The following DOCK3 variants were observed in gnomAD, a reference collection of about 807,000 sequenced individuals.
DOCK3 encodes the protein dedicator of cytokinesis 3.
Under a neutral mutation model 265.6 loss-of-function variants are expected in DOCK3, and 60 were observed. The observed-to-expected ratio is 0.23, with a 90% CI of 0.18 to 0.28. The LOEUF is 0.28. Ranked by LOEUF, DOCK3 falls within the 10% of genes least tolerant of loss-of-function variation. The probability of loss-of-function intolerance (pLI) is 1.00; values close to 1 mark genes in which losing one functional copy is unlikely to be tolerated. For synonymous variants in DOCK3, 881 were observed against 938.0 expected (o/e 0.94, Z 1.11); for missense variants, 1,981 against 2,594.3 (o/e 0.76, Z 5.14).
intron 9 of DOCK3, among the ~76,000 whole-genome samples, chr3:51,122,274 G>GT: frequency 6.6e-6 from 1 of 152,274 alleles, no homozygotes; most frequent in Non-Finnish European, 1.5e-5. Flanking sequence ...GAGGCCGGGA[G>GT]TTTAAGACCA....
At chr3:50,777,443 G>T (rs1387278012) in intron 1 of DOCK3, among the ~76,000 whole-genome samples, 2 of 152,044 alleles carry the variant, frequency 1.3e-5, no homozygotes, top group East Asian at 3.9e-4. Flanking sequence ...TCTAGTTCTT[G>T]GGAAAAATGA....
intron 21 of DOCK3, among the ~76,000 whole-genome samples, chr3:51,239,402 G>C (rs1200275706): frequency 1.3e-5 from 2 of 151,814 alleles, no homozygotes; most frequent in East Asian, 3.9e-4. Context: ...TAGAGACGGG[G>C]TTTCACCATG....
At position 51,341,380 on chromosome 3, in the gene DOCK3, G is replaced by A. The variant is rs1254746971; in HGVS notation, c.3910G>A (p.Gly1304Ser). 8 of 1,613,492 alleles carry A rather than the reference G, an allele frequency of 5.0e-6. No individual in the cohort carries two copies. Among genetic ancestry groups the A allele is most frequent in the Non-Finnish European group, 5.9e-6 (7 of 1,179,738 alleles). The stretch of plus-strand genomic sequence containing the variant: ...GAAGATCATTCACTACTTCAACAAA[G>A]GCAAGGTATGCATCATTAGGCAAGC... ...CRKIIHYFNKGKSWEFGIPLC... is the reference protein window; with the variant it reads ...CRKIIHYFNKSKSWEFGIPLC... Residue 1304 changes from glycine to serine, a missense_variant, in exon 38 of 53, where the codon GGC becomes AGC. Coordinates refer to ENST00000266037, the MANE Select transcript of DOCK3 (RefSeq NM_004947.5).
intron 9 of DOCK3, among the ~76,000 whole-genome samples, chr3:51,105,608 C>T (rs1358014799): frequency 6.6e-6 from 1 of 152,120 alleles, no homozygotes; most frequent in African/African-American, 2.4e-5. Context: ...AGTATTGATA[C>T]AGCAACATGA....
intron 2 of DOCK3, among the ~76,000 whole-genome samples, chr3:50,807,480 G>A (rs1191751559): frequency 6.6e-6 from 1 of 152,046 alleles, no homozygotes; most frequent in Non-Finnish European, 1.5e-5. Context: ...TCCCATTGTG[G>A]CCCACTTCCA....
chr3:51,115,834 A>G (rs567379347), intron 9 of DOCK3, among the ~76,000 whole-genome samples: 1 of 152,060 alleles, frequency 6.6e-6, no homozygotes, highest in Non-Finnish European at 1.5e-5. Context: ...GTCGTAAGGA[A>G]GGGATCCAGT....
At chr3:50,788,175 A>G in intron 2 of DOCK3, 2 of 756,886 alleles carry the variant, frequency 2.6e-6, no homozygotes, top group Non-Finnish European at 2.1e-6. Context: ...TGGCACCATG[A>G]TGAAAGCTGG....
chr3:50,843,804 C>T (rs2675781), intron 3 of DOCK3, among the ~76,000 whole-genome samples: 143,506 of 152,188 alleles, frequency 0.94, 68,283 homozygotes, highest in East Asian at 1. Flanking sequence ...TGTATCTGTA[C>T]TCTTAAACTT....
chr3:51,268,608 T>C (rs1439739023), intron 23 of DOCK3, among the ~76,000 whole-genome samples: 1 of 152,170 alleles, frequency 6.6e-6, no homozygotes, highest in Non-Finnish European at 1.5e-5. Context: ...CTCTGCCTCA[T>C]TTAAGATTAA....
intron 1 of DOCK3, among the ~76,000 whole-genome samples, chr3:50,749,827 C>T (rs1295929405): frequency 6.6e-6 from 1 of 152,180 alleles, no homozygotes; most frequent in African/African-American, 2.4e-5. Context: ...TAGTGTTTAA[C>T]TGACAGTATT....
intron 12 of DOCK3, among the ~76,000 whole-genome samples, chr3:51,178,334 T>C (rs2087085528): frequency 6.6e-6 from 1 of 152,184 alleles, no homozygotes; most frequent in South Asian, 2.1e-4. Flanking sequence ...CTTTCAGGGT[T>C]GGCACAAACA....
intron 38 of DOCK3, among the ~76,000 whole-genome samples, chr3:51,347,669 T>G (rs2085682554): frequency 6.6e-6 from 1 of 152,252 alleles, no homozygotes; most frequent in Non-Finnish European, 1.5e-5. Context: ...TTTCCAATTC[T>G]GTGAAGAAAG....
In DOCK3 at chr3:51,348,537, A is replaced by G. The variant is rs748273623; in HGVS notation, c.3916-315A>G. On this transcript the variant is annotated intron_variant, in intron 38 of 52. Coordinates refer to ENST00000266037, the MANE Select transcript of DOCK3 (RefSeq NM_004947.5). ...GACTAATACAACAAGAAAAGTAAGT[A>G]ATTTTTTTAAATTAAGATAACTTCA... Among the ~76,000 whole-genome samples, 5 of 152,306 alleles carry G rather than the reference A, an allele frequency of 3.3e-5. No homozygotes were observed. In the East Asian group the frequency reaches 9.7e-4, roughly 30 times the overall value.
intron 32 of DOCK3, among the ~76,000 whole-genome samples, chr3:51,329,318 G>C (rs528477553): frequency 6.6e-6 from 1 of 152,180 alleles, no homozygotes; most frequent in Non-Finnish European, 1.5e-5. Context: ...TGGGTTGATA[G>C]GTGCAGCAGA....
At chr3:51,365,027 T>G (rs1335523432) in intron 49 of DOCK3, among the ~76,000 whole-genome samples, 1 of 152,216 alleles carries the variant, frequency 6.6e-6, no homozygotes, top group Non-Finnish European at 1.5e-5. Context: ...AAGAAAGTTA[T>G]TGGTAGCTTG....
At chr3:50,811,533 A>G (rs2043756197) in intron 2 of DOCK3, among the ~76,000 whole-genome samples, 1 of 152,226 alleles carries the variant, frequency 6.6e-6, no homozygotes, top group Non-Finnish European at 1.5e-5. Flanking sequence ...CAGTTTGAGA[A>G]AACTGAAATG....
chr3:51,298,245 A>G (rs772951982), intron 27 of DOCK3, among the ~76,000 whole-genome samples: 6 of 152,334 alleles, frequency 3.9e-5, no homozygotes, highest in Admixed American at 1.3e-4. Flanking sequence ...GCATTTGTTC[A>G]TACTAGAACC....
intron 1 of DOCK3, among the ~76,000 whole-genome samples, chr3:50,737,327 CAG>C (rs914441167): frequency 1.4e-4 from 21 of 152,264 alleles, no homozygotes; most frequent in African/African-American, 4.1e-4. Flanking sequence ...AGGACCAAGA[CAG>C]GGGGTGGGGA....
intron 4 of DOCK3, among the ~76,000 whole-genome samples, chr3:50,890,470 A>G (rs2048587402): frequency 6.6e-6 from 1 of 152,118 alleles, no homozygotes; most frequent in Non-Finnish European, 1.5e-5. Context: ...GTTTAAAGGT[A>G]TACCTTAACC....
Sources: gnomAD v4.1 joint callset for allele counts (sites outside exome capture counted in the v4.1 genomes callset) on GRCh38, gnomAD v4.1.1 for gene constraint, MANE v1.5 for transcripts, NCBI Gene and HGNC (gene_info 2026-07-23, HGNC 2026-07-21) for gene names.